URB2: variants seen among roughly 807,000 people sequenced by gnomAD.
URB2 encodes URB2 ribosome biogenesis homolog.
A neutral mutation model predicts 120.9 loss-of-function variants in URB2; 86 were observed. The observed-to-expected ratio is 0.71, with a 90% CI of 0.60 to 0.85. The LOEUF is 0.85. Ranked by LOEUF, URB2 falls within the 40% of genes least tolerant of loss-of-function variation. The pLI, the probability that URB2 is intolerant of heterozygous loss-of-function variation, is 0.00. For missense variants in URB2, 1,765 were observed against 1,836.5 expected, an observed-to-expected ratio of 0.96 and a Z score of 0.71; for synonymous variants, 755 against 758.4, an observed-to-expected ratio of 1.00 and a Z score of 0.07.
At chr1:229,641,222 A>G (rs1011674776) in intron 4 of URB2, among the ~76,000 whole-genome samples, 6 of 151,992 alleles carry the variant, frequency 3.9e-5, no homozygotes, top group African/African-American at 1.2e-4. Flanking sequence ...CGTGTTGGCC[A>G]GGCTGGTCTC....
Position 229,655,477 on chromosome 1 carries a change from AC to A in URB2, c.4377+1092del, listed in dbSNP as rs201688481. Among the ~76,000 whole-genome samples, 1,091 of 152,046 alleles carry A rather than the reference AC, an allele frequency of 7.2e-3. 10 individuals carry two copies. Among genetic ancestry groups the A allele is most frequent in the African/African-American group, 0.025 (1,043 of 41,472 alleles). On this transcript the variant is annotated intron_variant, in intron 9 of 9. Transcript: ENST00000258243. ...TCAAACTCCTGACCTCAGGTAATCC[AC>A]CCGCCTTGGCCTCCCAAAGTGCCAG...
intron 2 of URB2, among the ~76,000 whole-genome samples, chr1:229,630,519 T>G (rs1365939717): frequency 6.6e-6 from 1 of 152,206 alleles, no homozygotes; most frequent in Non-Finnish European, 1.5e-5. Context: ...GTTTTTCCAT[T>G]GACAGAGCAC....
At chr1:229,654,526 T>C in intron 9 of URB2, 138 bp downstream of exon 9, 1 of 1,278,082 alleles carries the variant, frequency 7.8e-7, no homozygotes, top group Non-Finnish European at 1.1e-6. Flanking sequence ...AGGGTTTTGC[T>C]CTCTCACTCA....
intron 7 of URB2, 96 bp downstream of exon 7, chr1:229,647,848 G>T: frequency 2.0e-6 from 3 of 1,505,758 alleles, no homozygotes; most frequent in Non-Finnish European, 2.7e-6. Flanking sequence ...ACTGTTGCAG[G>T]ATAATAATAC....
At chr1:229,651,565 T>A (rs1039876846) in intron 8 of URB2, among the ~76,000 whole-genome samples, 1 of 152,140 alleles carries the variant, frequency 6.6e-6, no homozygotes, top group South Asian at 2.1e-4. Flanking sequence ...AAAAAAAATA[T>A]CAGATTTAGG....
At position 229,651,337 on chromosome 1, in the gene URB2, C is replaced by T. The variant is rs1474442386; in HGVS notation, c.4237+15C>T. ...GAAGGACAAAGGTAATTTGGAGTAA[C>T]ATCAGACACAGTTTCAAATATATTC... On this transcript the variant is annotated intron_variant, in intron 8 of 9. Transcript: ENST00000258243. 1.9e-6 allele frequency: 3 copies of T among 1,604,620 alleles called. No individual in the cohort carries two copies. The highest frequency in any genetic ancestry group is 1.1e-5 in the South Asian group (1 of 89,186).
In URB2 at chr1:229,639,883, C is replaced by T. The variant is rs540537675; in HGVS notation, c.3634+1636C>T. Among the ~76,000 whole-genome samples, 9 of 152,290 alleles carry T rather than the reference C, an allele frequency of 5.9e-5. No homozygotes were observed. The East Asian group carries it at 1.7e-3, about 29-fold the overall frequency. On this transcript the variant is annotated intron_variant, in intron 4 of 9. Transcript: ENST00000258243. ...TCTTCCTGCACAGAGTCGACCTTTA[C>T]AGCCCCCCTGGTGAAAGGTTAATGG...
chr1:229,632,311 A>G lies in URB2; in HGVS notation c.169A>G (p.Lys57Glu). Residue 57 changes from lysine (K) to glutamate (E), a missense_variant, in exon 3 of 10, where the codon AAG (lysine) becomes GAG (glutamate). By Grantham distance (56) the Lys-to-Glu change is moderately conservative (BLOSUM62 1). Transcript: ENST00000258243. ...AAGACAATCATTGGTTGCATTTTAT[A>G]AGAAAAAGCTTGAACTGAAGGAAGA... ...WARQSLVAFY[K>E]KKLELKEDIV... 1 of 1,586,284 alleles carries G rather than the reference A, an allele frequency of 6.3e-7. No homozygotes were observed. The highest frequency in any genetic ancestry group is 8.5e-7 in the Non-Finnish European group (1 of 1,171,092).
chr1:229,638,668 T>C (rs1473186876), intron 4 of URB2, among the ~76,000 whole-genome samples: 2 of 151,150 alleles, frequency 1.3e-5, no homozygotes, highest in Admixed American at 6.6e-5. Flanking sequence ...AAGTACTACA[T>C]GTGGACAGTG....
chr1:229,630,930 C>T (rs1002241232), intron 2 of URB2, among the ~76,000 whole-genome samples: 9 of 136,682 alleles, frequency 6.6e-5, no homozygotes, highest in Non-Finnish European at 4.5e-5. Flanking sequence ...TGCAGTGAGC[C>T]GAGATCGCGC....
intron 1 of URB2, among the ~76,000 whole-genome samples, chr1:229,626,874 G>T (rs766422341): frequency 6.6e-6 from 1 of 152,180 alleles, no homozygotes; most frequent in Non-Finnish European, 1.5e-5. Context: ...AGCACTTGAC[G>T]TTCTTGTTCT....
intron 5 of URB2, 108 bp from the exon 6 acceptor site, chr1:229,645,751 C>G (rs1032683062): frequency 2.1e-6 from 2 of 945,944 alleles, no homozygotes; most frequent in Non-Finnish European, 3.4e-6. Context: ...CCAGGGCTCT[C>G]AATCCACTCC....
chr1:229,651,761 G>T (rs941126583), intron 8 of URB2, among the ~76,000 whole-genome samples: 1 of 152,184 alleles, frequency 6.6e-6, no homozygotes, highest in Non-Finnish European at 1.5e-5. Flanking sequence ...CTTGGCAAGG[G>T]TGTGTTTGTT....
At position 229,651,259 on chromosome 1, in the gene URB2, T is replaced by G; in HGVS notation, c.4174T>G (p.Phe1392Val). 6.2e-7 allele frequency: 1 copy of G among 1,611,654 alleles called. No homozygotes were observed. Among genetic ancestry groups the G allele is most frequent in the Non-Finnish European group, 8.5e-7 (1 of 1,179,080 alleles). Reference protein sequence around the residue: ...PKVMLKAIPSFLNSFNRLVFS... With the variant: ...PKVMLKAIPSVLNSFNRLVFS... The stretch of plus-strand genomic sequence containing the variant: ...GGTAATGCTGAAAGCCATCCCTTCT[T>G]TCTTGAACTCTTTCAATAGATTGGT... The change falls in exon 8 of 10, where the codon TTC becomes GTC. Residue 1392 changes from phenylalanine (F) to valine (V), a missense_variant. Phe to Val is a conservative substitution (Grantham distance 50, BLOSUM62 -1). Transcript: ENST00000258243.
chr1:229,636,720 G>A lies in URB2; in HGVS notation c.2107G>A (p.Asp703Asn), dbSNP rs574261258. 2.2e-5 allele frequency: 36 copies of A among 1,613,328 alleles called. No homozygotes were observed. The highest frequency in any genetic ancestry group is 1.5e-4 in the South Asian group (14 of 91,002). ...AGGAGCCATCCAAAGTTTGAGGTGC[G>A]ATGCTGCCTTTATTATTGGTTCCGG... ...SEGAIQSLRC[D>N]AAFIIGSGRK... Residue 703 changes from aspartate to asparagine, a missense_variant, in exon 4 of 10, where the codon GAT becomes AAT. By Grantham distance (23) the Asp-to-Asn change is conservative (BLOSUM62 1). Coordinates refer to ENST00000258243, the MANE Select transcript of URB2 (RefSeq NM_014777.4).
chr1:229,635,863 C>T lies in URB2; in HGVS notation c.1250C>T (p.Ser417Phe). The T allele has an allele frequency of 6.2e-7, 1 of 1,614,210 alleles. No homozygotes were observed. Among genetic ancestry groups the T allele is most frequent in the South Asian group, 1.1e-5 (1 of 91,086 alleles). Residue 417 changes from serine to phenylalanine, a missense_variant, in exon 4 of 10, where the codon TCT becomes TTT. By Grantham distance (155) the Ser-to-Phe change is radical. Coordinates refer to ENST00000258243, the MANE Select transcript of URB2 (RefSeq NM_014777.4). ...TTCCGCTGTCTGAAGACTTTGATATCTCTGAATCATTTGATTTTGGAGCCA... is the reference window on the plus strand; with the variant it reads ...TTCCGCTGTCTGAAGACTTTGATATTTCTGAATCATTTGATTTTGGAGCCA... The part of the protein sequence containing the change: ...AWFRCLKTLI[S>F]LNHLILEPDL...
At chr1:229,626,559 C>T (rs1332941577) in intron 1 of URB2, among the ~76,000 whole-genome samples, 1 of 152,264 alleles carries the variant, frequency 6.6e-6, no homozygotes, top group African/African-American at 2.4e-5. Context: ...GGCGAACTCC[C>T]TCCTGGCTCC....
chr1:229,656,813 A>C (rs111993635), intron 9 of URB2, among the ~76,000 whole-genome samples: 1 of 152,214 alleles, frequency 6.6e-6, no homozygotes, highest in African/African-American at 2.4e-5. Flanking sequence ...ATGCAGGGAA[A>C]TTATGGTTAC....
chr1:229,655,118 C>A (rs10495287), intron 9 of URB2, among the ~76,000 whole-genome samples: 24 of 151,992 alleles, frequency 1.6e-4, no homozygotes, highest in Non-Finnish European at 2.9e-4. Context: ...CACTCAAAGT[C>A]GATGACAAGG....
Sources: allele counts gnomAD v4.1 joint callset (sites outside exome capture counted in the v4.1 genomes callset), GRCh38; gene constraint gnomAD v4.1.1; transcripts MANE v1.5; gene names NCBI Gene and HGNC (gene_info 2026-07-23, HGNC 2026-07-21).